The following SEMA4D variants were observed in gnomAD, a reference collection of about 807,000 sequenced individuals.
The protein encoded by SEMA4D is semaphorin-4D.
A neutral mutation model predicts 74.8 loss-of-function variants in SEMA4D; 22 were observed. The ratio of observed to expected loss-of-function variants is 0.29; its 90% confidence interval spans 0.21 to 0.42. The LOEUF is 0.42. SEMA4D is among the 10% of genes least tolerant of loss of function. The probability of loss-of-function intolerance (pLI) is 1.00; values close to 1 mark genes in which losing one functional copy is unlikely to be tolerated. For synonymous variants in SEMA4D, 445 were observed against 463.7 expected (o/e 0.96, Z 0.52); for missense variants, 937 against 1,118.4 (o/e 0.84, Z 2.31).
Position 89,379,261 on chromosome 9 carries a change from G to C in SEMA4D, c.2032C>G (p.Gln678Glu). Residue 678 changes from glutamine to glutamate, a missense_variant, in exon 16 of 16, where the codon CAA (glutamine) becomes GAA (glutamate). Gln to Glu is a conservative substitution (Grantham distance 29, BLOSUM62 2). Coordinates refer to ENST00000422704, the MANE Select transcript of SEMA4D (RefSeq NM_001371194.2). ...GCTGGGGTTGGGGGAGAAGACCCTT[G>C]GGTGGATGCCACCAACACTTTGGTG... ...IATKVLVAST[Q>E]GSSPPTPAVQ... is the part of the protein sequence containing the mutation. The C allele has an allele frequency of 6.2e-7, 1 of 1,614,166 alleles. No homozygotes were observed. The highest frequency in any genetic ancestry group is 8.5e-7 in the Non-Finnish European group (1 of 1,180,032).
intron 1 of SEMA4D, among the ~76,000 whole-genome samples, chr9:89,483,079 C>T (rs998586311): frequency 1.3e-5 from 2 of 152,338 alleles, no homozygotes; most frequent in South Asian, 2.1e-4. Flanking sequence ...TCTCTGGTTT[C>T]GCCAAGCTGG....
chr9:89,385,012 G>A (rs936866385), intron 13 of SEMA4D: 3 of 985,240 alleles, frequency 3.0e-6, no homozygotes, highest in Non-Finnish European at 3.6e-6. Flanking sequence ...CGGGTCGGGT[G>A]GTCCAGTAGG....
chr9:89,385,868 C>A, intron 13 of SEMA4D: 1 of 141,716 alleles, frequency 7.1e-6, no homozygotes, highest in Non-Finnish European at 1.5e-5. Flanking sequence ...GCGTGGATGC[C>A]CGCCCACCCA....
chr9:89,419,775 G>C (rs1846505157), intron 2 of SEMA4D, among the ~76,000 whole-genome samples: 1 of 151,962 alleles, frequency 6.6e-6, no homozygotes, highest in Admixed American at 6.6e-5. Context: ...AAATTAGCTG[G>C]GTGTGGTGGT....
chr9:89,389,156 G>T, intron 9 of SEMA4D, 109 bp from the exon 10 acceptor site: 1 of 1,158,760 alleles, frequency 8.6e-7, no homozygotes, highest in South Asian at 1.4e-5. Flanking sequence ...GGCTGTGCCT[G>T]ACTGAAACAA....
intron 6 of SEMA4D, among the ~76,000 whole-genome samples, chr9:89,395,907 T>C (rs1321801687): frequency 6.6e-6 from 1 of 152,240 alleles, no homozygotes; most frequent in African/African-American, 2.4e-5. Context: ...ATATTTTACA[T>C]TTATCAGGAC....
chr9:89,389,093 T>C (rs780953106), intron 9 of SEMA4D, 46 bp from the exon 10 acceptor site: 2 of 1,605,144 alleles, frequency 1.2e-6, no homozygotes, highest in South Asian at 1.1e-5. Context: ...GTGGATCCCC[T>C]GTGAGCAAGC....
intron 18 of SEMA4D, chr9:89,362,480 C>G (rs1360958975): frequency 6.2e-7 from 1 of 1,613,782 alleles, no homozygotes; most frequent in Non-Finnish European, 8.5e-7. Context: ...TGGGCCTTTC[C>G]TGCTCTGCAG....
chr9:89,466,327 T>G (rs1322720097), intron 1 of SEMA4D, among the ~76,000 whole-genome samples: 1 of 152,194 alleles, frequency 6.6e-6, no homozygotes, highest in African/African-American at 2.4e-5. Flanking sequence ...CTTTTCTTTC[T>G]GCCAATCTGG....
intron 1 of SEMA4D, among the ~76,000 whole-genome samples, chr9:89,477,712 T>C (rs1862125219): frequency 6.6e-6 from 1 of 152,224 alleles, no homozygotes; most frequent in African/African-American, 2.4e-5. Context: ...AAAGGCAGGT[T>C]GTTTATGGCA....
intron 4 of SEMA4D, among the ~76,000 whole-genome samples, chr9:89,402,091 C>G (rs7027335): frequency 0.17 from 25,142 of 152,138 alleles, 2,694 homozygotes; most frequent in African/African-American, 0.28. Context: ...CACATACTTA[C>G]AGTCCCAGCT....
intron 2 of SEMA4D, among the ~76,000 whole-genome samples, chr9:89,408,037 G>C (rs1587661413): frequency 6.6e-6 from 1 of 152,322 alleles, no homozygotes; most frequent in East Asian, 1.9e-4. Context: ...ATAAATTATA[G>C]GTTCAGATCT....
At position 89,440,701 on chromosome 9, in the gene SEMA4D, G is replaced by A. The variant is rs181805389; in HGVS notation, c.-244+15187C>T. Among the ~76,000 whole-genome samples the A allele has an allele frequency of 1.2e-3, 183 of 152,354 alleles. 1 individual carries two copies. The highest frequency in any genetic ancestry group is 4.2e-3 in the African/African-American group (176 of 41,582). ...AACTACTTGCTACGTGCCACATGCC[G>A]TGCTAAGTGCCAGCAGAGCAAAGTG... On this transcript the variant is annotated intron_variant, in intron 2 of 15. Coordinates refer to ENST00000422704, the MANE Select transcript of SEMA4D (RefSeq NM_001371194.2).
chr9:89,483,784 C>T (rs1176464249), intron 1 of SEMA4D, among the ~76,000 whole-genome samples: 1 of 150,310 alleles, frequency 6.7e-6, no homozygotes, highest in African/African-American at 2.4e-5. Context: ...GCATGTGGGT[C>T]ACTGTCAGCG....
intron 1 of SEMA4D, among the ~76,000 whole-genome samples, chr9:89,488,220 AAAG>A (rs1282078060): frequency 1.3e-5 from 2 of 152,192 alleles, no homozygotes; most frequent in Admixed American, 6.5e-5. Flanking sequence ...TTCACTGGAG[AAAG>A]AAGAGGCTTG....
chr9:89,415,504 G>A (rs1294139865), intron 2 of SEMA4D, among the ~76,000 whole-genome samples: 2 of 152,170 alleles, frequency 1.3e-5, no homozygotes, highest in Admixed American at 1.3e-4. Context: ...GATGGTTTCT[G>A]GAGAGGGAGC....
chr9:89,371,379 ATGTGTGTCTGGGGTGTGG>A (rs1182397655), intron 16 of SEMA4D, among the ~76,000 whole-genome samples: 36 of 35,728 alleles, frequency 1.0e-3, no homozygotes, highest in East Asian at 2.6e-3. Flanking sequence ...GGGGTGTGGC[ATGTGTGTCTGGGGTGTGG>A]TGTGTGTCTG....
chr9:89,474,371 C>A (rs561685751), intron 1 of SEMA4D, among the ~76,000 whole-genome samples: 1 of 152,146 alleles, frequency 6.6e-6, no homozygotes, highest in South Asian at 2.1e-4. Context: ...AAGAACATCA[C>A]AAAGATTACA....
At chr9:89,438,239 G>A (rs1850890265) in intron 2 of SEMA4D, among the ~76,000 whole-genome samples, 2 of 152,256 alleles carry the variant, frequency 1.3e-5, no homozygotes, top group South Asian at 4.1e-4. Flanking sequence ...GTTTGGAGAT[G>A]AGAAACTGGA....
Sources: gnomAD v4.1 joint callset for allele counts (sites outside exome capture counted in the v4.1 genomes callset) on GRCh38, gnomAD v4.1.1 for gene constraint, MANE v1.5 for transcripts, NCBI Gene and HGNC (gene_info 2026-07-23, HGNC 2026-07-21) for gene names.